The following LRPAP1 variants were observed in gnomAD, a reference collection of about 807,000 sequenced individuals.
LRPAP1 encodes the protein alpha-2-macroglobulin receptor-associated protein.
Under a neutral mutation model 39.9 loss-of-function variants are expected in LRPAP1, and 41 were observed. The observed-to-expected ratio is 1.03, with a 90% confidence interval of 0.80 to 1.33. LRPAP1 has a LOEUF of 1.33. LRPAP1 is among the 40% of genes most tolerant of loss of function. The pLI, the probability that LRPAP1 is intolerant of heterozygous loss-of-function variation, is 0.00. For missense variants in LRPAP1, 565 were observed against 482.3 expected (o/e 1.17, Z -1.61); for synonymous variants, 263 against 212.7 (o/e 1.24, Z -2.06).
At chr4:3,520,223 T>C (rs751126951) in intron 2 of LRPAP1, 30 bp from the exon 3 acceptor site, 19 of 1,599,446 alleles carry the variant, frequency 1.2e-5, no homozygotes, top group Admixed American at 1.7e-5. Flanking sequence ...CTATTTGATA[T>C]GGTTTCCTGT....
chr4:3,513,692 G>A (rs1169498539), intron 7 of LRPAP1, among the ~76,000 whole-genome samples: 6 of 152,202 alleles, frequency 3.9e-5, no homozygotes, highest in Non-Finnish European at 1.5e-5. Context: ...GGGCCTGGGA[G>A]GGAAGGAGAG....
Position 3,519,926 on chromosome 4 carries a change from T to A in LRPAP1, c.471+146A>T, listed in dbSNP as rs1403003131. 3.6e-6 allele frequency: 3 copies of A among 844,704 alleles called. No homozygotes were observed. In the Admixed American group the frequency reaches 8.3e-5, roughly 23 times the overall value. The allele number at this position is 844,704 out of a possible 1,614,324, so 52.3% of individuals were successfully genotyped here. A position where few individuals can be genotyped will look rare whatever the true frequency, so the allele number is the denominator to read the frequency against. Reference sequence around the variant, plus strand: ...AAAGATTCACAGAATGACAGTGGAATGGCTTCCTTAGGAAGCCACCGTCTT... The same window carrying A: ...AAAGATTCACAGAATGACAGTGGAAAGGCTTCCTTAGGAAGCCACCGTCTT... On this transcript the variant is annotated intron_variant, in intron 3 of 7. Coordinates refer to ENST00000650182, the MANE Select transcript of LRPAP1 (RefSeq NM_002337.4).
intron 6 of LRPAP1, 125 bp from the exon 7 acceptor site, chr4:3,515,053 T>G: frequency 9.4e-7 from 1 of 1,067,330 alleles, no homozygotes; most frequent in Non-Finnish European, 1.4e-6. Flanking sequence ...GGCCTTGCGG[T>G]GACATGGGCA....
intron 2 of LRPAP1, 92 bp from the exon 3 acceptor site, chr4:3,520,285 GT>G: frequency 7.3e-7 from 1 of 1,371,506 alleles, no homozygotes; most frequent in Non-Finnish European, 1.0e-6. Flanking sequence ...GGTGAGACAG[GT>G]TTGCCTCTCA....
At chr4:3,528,088 T>A (rs1156696284) in intron 1 of LRPAP1, among the ~76,000 whole-genome samples, 1 of 152,214 alleles carries the variant, frequency 6.6e-6, no homozygotes, top group Admixed American at 6.5e-5. Flanking sequence ...CCCAGCTCTG[T>A]GCAGAGGAAG....
At chr4:3,522,771 G>C (rs1432643741) in intron 2 of LRPAP1, among the ~76,000 whole-genome samples, 1 of 152,042 alleles carries the variant, frequency 6.6e-6, no homozygotes, top group African/African-American at 2.4e-5. Context: ...AAGTGGCCCT[G>C]GGGGCGCGGT....
chr4:3,515,432 G>A (rs1044826717), intron 6 of LRPAP1, among the ~76,000 whole-genome samples: 19 of 152,202 alleles, frequency 1.2e-4, no homozygotes, highest in African/African-American at 4.6e-4. Context: ...CAGCCCCAGA[G>A]GGAAGCTCCT....
In LRPAP1 at chr4:3,511,158, G is replaced by A. The variant is rs967887536; in HGVS notation, c.*1816C>T. 3 of 152,202 alleles carry A rather than the reference G, an allele frequency of 2.0e-5. No homozygotes were observed. The highest frequency in any genetic ancestry group is 2.4e-5 in the African/African-American group (1 of 41,432). 9.4% of individuals were successfully genotyped at this position (152,202 alleles called of 1,614,324 possible). ...CACCCAGCTGGGAGAAAGAAACACA[G>A]TCCAACCACTTTGGAATCATCTCTA... is the stretch of plus-strand genomic sequence containing the variant. On this transcript the variant is annotated 3_prime_UTR_variant, in exon 8 of 8. Coordinates refer to ENST00000650182, the MANE Select transcript of LRPAP1 (RefSeq NM_002337.4).
chr4:3,514,537 G>A (rs754330182), intron 7 of LRPAP1, among the ~76,000 whole-genome samples: 13 of 152,356 alleles, frequency 8.5e-5, no homozygotes, highest in Middle Eastern at 3.4e-3. Context: ...CCTGAGGGTC[G>A]GGGGACTGCA....
chr4:3,518,504 T>C (rs1729800879), intron 4 of LRPAP1, among the ~76,000 whole-genome samples: 1 of 152,178 alleles, frequency 6.6e-6, no homozygotes, highest in African/African-American at 2.4e-5. Context: ...CCCTCCATTT[T>C]ACTCCAGCTT....
At chr4:3,513,152 ATC>A (rs753157837) in intron 7 of LRPAP1, 116 bp from the exon 8 acceptor site, 113 of 734,678 alleles carry the variant, frequency 1.5e-4, no homozygotes, top group Admixed American at 2.8e-4. Context: ...AGCCCTGCAC[ATC>A]TGACTTTCCA....
intron 1 of LRPAP1, among the ~76,000 whole-genome samples, chr4:3,531,601 C>A (rs1055018472): frequency 1.4e-4 from 22 of 152,184 alleles, no homozygotes; most frequent in Admixed American, 3.3e-4. Flanking sequence ...CTTGGGGGTG[C>A]CCTTTCCCCT....
chr4:3,517,440 G>A (rs930828792), intron 5 of LRPAP1, among the ~76,000 whole-genome samples: 18 of 152,256 alleles, frequency 1.2e-4, no homozygotes, highest in African/African-American at 4.1e-4. Context: ...CAGTGTGCAC[G>A]TGGAGGATGA....
At chr4:3,515,190 G>C (rs1447475834) in intron 6 of LRPAP1, among the ~76,000 whole-genome samples, 1 of 152,156 alleles carries the variant, frequency 6.6e-6, no homozygotes, top group African/African-American at 2.4e-5. Flanking sequence ...AATCTAGGGG[G>C]CCTCCAGCTC....
intron 2 of LRPAP1, among the ~76,000 whole-genome samples, chr4:3,524,543 C>G (rs1026866268): frequency 6.6e-6 from 1 of 152,246 alleles, no homozygotes. Flanking sequence ...CGGCCAAGGG[C>G]GCATCTGTGC....
intron 2 of LRPAP1, among the ~76,000 whole-genome samples, chr4:3,523,695 G>A (rs1390251868): frequency 2.6e-5 from 4 of 152,232 alleles, no homozygotes; most frequent in Non-Finnish European, 5.9e-5. Flanking sequence ...AAGGAACTCC[G>A]TAGACACCTC....
intron 5 of LRPAP1, among the ~76,000 whole-genome samples, chr4:3,516,677 G>A (rs896066560): frequency 2.6e-5 from 4 of 152,222 alleles, no homozygotes; most frequent in African/African-American, 7.2e-5. Flanking sequence ...AAACATTCGG[G>A]CTCCTGGGAG....
At chr4:3,523,451 C>T (rs112920520) in intron 2 of LRPAP1, among the ~76,000 whole-genome samples, 8 of 152,324 alleles carry the variant, frequency 5.3e-5, no homozygotes, top group African/African-American at 1.4e-4. Context: ...AAAATGAAGC[C>T]GGCCCTCTGT....
chr4:3,525,281 C>A, intron 1 of LRPAP1: 1 of 534,662 alleles, frequency 1.9e-6, no homozygotes, highest in Non-Finnish European at 3.4e-6. Context: ...CCAAGTCCAT[C>A]GGGGGCTCCC....
Sources: gnomAD v4.1 joint callset for allele counts (sites outside exome capture counted in the v4.1 genomes callset) on GRCh38, gnomAD v4.1.1 for gene constraint, MANE v1.5 for transcripts, NCBI Gene and HGNC (gene_info 2026-07-23, HGNC 2026-07-21) for gene names.